The following KANK1 variants were observed in gnomAD, a reference collection of about 807,000 sequenced individuals.
KANK1 encodes the protein KN motif and ankyrin repeat domains 1, also known as KN motif and ankyrin repeat domain-containing protein 1.
A neutral mutation model predicts 106.2 loss-of-function variants in KANK1; 109 were observed. The ratio of observed to expected loss-of-function variants is 1.03; its 90% CI spans 0.88 to 1.20. KANK1 has a LOEUF of 1.20. KANK1 is among the 50% of genes most tolerant of loss of function. The pLI is 0.00. For missense variants in KANK1, 2,399 were observed against 1,710.7 expected, an observed-to-expected ratio of 1.40 and a Z score of -7.10; for synonymous variants, 873 against 652.2, an observed-to-expected ratio of 1.34 and a Z score of -5.16.
intron 1 of KANK1, among the ~76,000 whole-genome samples, chr9:513,062 A>G (rs866802796): frequency 2.6e-5 from 4 of 152,240 alleles, no homozygotes; most frequent in African/African-American, 9.6e-5. Context: ...GAGGCTTGAC[A>G]ATGAGGCTCT....
At chr9:697,386 A>G (rs1821582752) in intron 2 of KANK1, among the ~76,000 whole-genome samples, 1 of 151,850 alleles carries the variant, frequency 6.6e-6, no homozygotes, top group Non-Finnish European at 1.5e-5. Flanking sequence ...TTTTTTTATG[A>G]TTGACATTTC....
intron 1 of KANK1, chr9:470,504 C>T (rs1587160289): frequency 6.6e-6 from 1 of 152,556 alleles, no homozygotes; most frequent in South Asian, 2.1e-4. Flanking sequence ...CTGAAATCTC[C>T]TTCGTGAGGG....
intron 1 of KANK1, chr9:558,970 A>G (rs577431849): frequency 6.6e-5 from 10 of 152,344 alleles, no homozygotes; most frequent in African/African-American, 2.4e-4. Flanking sequence ...CCTGTGCGCA[A>G]ATGACCATGA....
At chr9:727,461 CA>C (rs1164515223) in intron 3 of KANK1, among the ~76,000 whole-genome samples, 2 of 151,534 alleles carry the variant, frequency 1.3e-5, no homozygotes, top group Non-Finnish European at 3.0e-5. Flanking sequence ...GGATTACAGG[CA>C]CTCACCACCA....
intron 7 of KANK1, chr9:735,804 G>C (rs983698111): frequency 2.6e-6 from 1 of 384,740 alleles, no homozygotes; most frequent in Non-Finnish European, 5.5e-6. Context: ...GACGAGCTTA[G>C]CCAACATGGT....
At position 732,419 on chromosome 9, in the gene KANK1, G is replaced by T; in HGVS notation, c.3047G>T (p.Ser1016Ile). 6.2e-7 allele frequency: 1 copy of T among 1,614,102 alleles called. No homozygotes were observed. The highest frequency in any genetic ancestry group is 1.1e-5 in the South Asian group (1 of 91,076). ...TSSDDSSSDE[S>I]SSSESDDECD... ...AGTGATGATTCCAGCTCAGATGAAA[G>T]CTCTTCTTCCGAGTCAGATGACGAG... The change falls in exon 6 of 12, where the codon AGC (serine) becomes ATC (isoleucine). Residue 1016 changes from serine (S) to isoleucine (I), a missense_variant. Transcript: ENST00000382297.
intron 8 of KANK1, among the ~76,000 whole-genome samples, chr9:740,471 C>T (rs780252246): frequency 6.6e-6 from 1 of 152,176 alleles, no homozygotes; most frequent in Non-Finnish European, 1.5e-5. Flanking sequence ...TTCCAAAAAT[C>T]GTTTATTCTC....
chr9:668,578 AAGTG>A (rs1464043359), intron 1 of KANK1, among the ~76,000 whole-genome samples: 1 of 152,086 alleles, frequency 6.6e-6, no homozygotes, highest in African/African-American at 2.4e-5. Context: ...CTTTATGGTT[AAGTG>A]ACTTTCTCTG....
chr9:598,362 C>A (rs1249976261), intron 1 of KANK1, among the ~76,000 whole-genome samples: 1 of 151,234 alleles, frequency 6.6e-6, no homozygotes, highest in Admixed American at 6.6e-5. Context: ...CAGCTTCATA[C>A]GAATTTAAGG....
upstream of KANK1, among the ~76,000 whole-genome samples, chr9:501,511 C>G (rs994293926): frequency 6.6e-6 from 1 of 152,044 alleles, no homozygotes; most frequent in South Asian, 2.1e-4. Flanking sequence ...AAAAATAATT[C>G]TTTTCTTTCA....
intron 2 of KANK1, among the ~76,000 whole-genome samples, chr9:703,500 A>G (rs1467859167): frequency 6.6e-6 from 1 of 152,142 alleles, no homozygotes; most frequent in Non-Finnish European, 1.5e-5. Context: ...AGCAGTCTCC[A>G]CCACTGGATT....
At position 730,032 on chromosome 9, in the gene KANK1, CCTTT is replaced by C; in HGVS notation, c.2699-14_2699-11del. 1 of 1,608,794 alleles carries C rather than the reference CCTTT, an allele frequency of 6.2e-7. No individual in the cohort carries two copies. Among genetic ancestry groups the C allele is most frequent in the Non-Finnish European group, 8.5e-7 (1 of 1,175,844 alleles). Reference sequence around the variant, plus strand: ...CAGTCCTAGCATCACACACTCTGTACCTTTCTTTTTCCTGATAGGCAATTATTTG... The same window carrying C: ...CAGTCCTAGCATCACACACTCTGTACCTTTTTCCTGATAGGCAATTATTTG... On this transcript the variant is annotated splice_polypyrimidine_tract_variant and intron_variant, in intron 3 of 11. Coordinates refer to ENST00000382297, the MANE Select transcript of KANK1 (RefSeq NM_015158.5).
At chr9:577,966 C>G (rs1218677439) in intron 1 of KANK1, among the ~76,000 whole-genome samples, 1 of 152,136 alleles carries the variant, frequency 6.6e-6, no homozygotes, top group Non-Finnish European at 1.5e-5. Flanking sequence ...TGATCATTAC[C>G]TGTGCACACA....
intron 1 of KANK1, among the ~76,000 whole-genome samples, chr9:633,229 G>A (rs138711956): frequency 0.016 from 2,441 of 152,142 alleles, 42 homozygotes; most frequent in Middle Eastern, 0.044. Flanking sequence ...AGCCGAGGCG[G>A]GCAGATCAGA....
At chr9:723,355 G>C (rs903464843) in intron 3 of KANK1, among the ~76,000 whole-genome samples, 1 of 152,172 alleles carries the variant, frequency 6.6e-6, no homozygotes, top group Admixed American at 6.5e-5. Flanking sequence ...GGAAGGGGTG[G>C]GAGGAAAGGC....
chr9:603,268 A>C (rs1828233914), intron 1 of KANK1, among the ~76,000 whole-genome samples: 1 of 151,906 alleles, frequency 6.6e-6, no homozygotes, highest in Non-Finnish European at 1.5e-5. Flanking sequence ...ACAAATCTCA[A>C]CTGGCAGATA....
Position 556,489 on chromosome 9 carries a change from G to A in KANK1, c.-84+51735G>A, listed in dbSNP as rs142551378. On this transcript the variant is annotated intron_variant, in intron 1 of 11. Transcript: ENST00000382297. ...TCATTTTAAACTTATAATTATTAAA[G>A]TGCTATGATGTACAAAGGTGCTTAT... Among the ~76,000 whole-genome samples, 65 of 152,276 alleles carry A rather than the reference G, an allele frequency of 4.3e-4. No individual in the cohort carries two copies. In the East Asian group the frequency reaches 0.011, roughly 27 times the overall value.
At chr9:604,954 A>G (rs1313171466) in intron 1 of KANK1, among the ~76,000 whole-genome samples, 1 of 151,880 alleles carries the variant, frequency 6.6e-6, no homozygotes, top group Non-Finnish European at 1.5e-5. Context: ...GTGAAAATGG[A>G]CTAATGCAAT....
At chr9:741,580 C>G (rs148866469) in intron 9 of KANK1, among the ~76,000 whole-genome samples, 5 of 151,820 alleles carry the variant, frequency 3.3e-5, no homozygotes, top group African/African-American at 1.2e-4. Flanking sequence ...CTCTGCCTCC[C>G]GGGTTCACAC....
Sources: gnomAD v4.1 joint callset for allele counts (sites outside exome capture counted in the v4.1 genomes callset) on GRCh38, gnomAD v4.1.1 for gene constraint, MANE v1.5 for transcripts, NCBI Gene and HGNC (gene_info 2026-07-23, HGNC 2026-07-21) for gene names.